Variants in TRIM33 observed in about 807,000 individuals in gnomAD.
The protein encoded by TRIM33 is tripartite motif containing 33.
Under a neutral mutation model 125.4 loss-of-function variants are expected in TRIM33, and 20 were observed. The observed-to-expected ratio is 0.16, with a 90% CI of 0.11 to 0.23. The LOEUF is 0.23. Ranked by LOEUF, TRIM33 falls within the 10% of genes least tolerant of loss-of-function variation. TRIM33 has a pLI of 1.00. For missense variants in TRIM33, 920 were observed against 1,411.4 expected (o/e 0.65, Z 5.58); for synonymous variants, 564 against 513.9 (o/e 1.10, Z -1.32).
Position 114,393,765 on chromosome 1 carries a change from C to T in TRIM33, c.*3883G>A. 4.8e-6 allele frequency: 1 copy of T among 207,542 alleles called. No homozygotes were observed. The highest frequency in any genetic ancestry group is 9.8e-6 in the Non-Finnish European group (1 of 101,660). The allele number at this position is 207,542 out of a possible 1,614,324, so 12.9% of individuals were successfully genotyped here. On this transcript the variant is annotated 3_prime_UTR_variant, in exon 20 of 20. Coordinates refer to ENST00000358465, the MANE Select transcript of TRIM33 (RefSeq NM_015906.4). ...TAAAAAAGTACCTTCAATTTTTTTA[C>T]TCAAACACTTACTTTTAAAAAAATA...
At chr1:114,410,622 T>C (rs189737550) in intron 11 of TRIM33, among the ~76,000 whole-genome samples, 1 of 152,338 alleles carries the variant, frequency 6.6e-6, no homozygotes, top group East Asian at 1.9e-4. Context: ...CAGGACCTAT[T>C]TATCAGTATT....
At chr1:114,428,649 T>C (rs772275068) in intron 6 of TRIM33, among the ~76,000 whole-genome samples, 26 of 152,246 alleles carry the variant, frequency 1.7e-4, no homozygotes, top group Non-Finnish European at 3.5e-4. Flanking sequence ...GGAAAGAAGC[T>C]GTTCATTTTA....
intron 1 of TRIM33, among the ~76,000 whole-genome samples, chr1:114,491,716 A>G (rs1200356091): frequency 6.6e-6 from 1 of 152,168 alleles, no homozygotes; most frequent in Non-Finnish European, 1.5e-5. Flanking sequence ...AGGTGAAAGG[A>G]TCACTTGAGA....
intron 1 of TRIM33, among the ~76,000 whole-genome samples, chr1:114,503,847 GTT>G (rs1053866341): frequency 1.3e-5 from 2 of 152,052 alleles, no homozygotes; most frequent in Non-Finnish European, 2.9e-5. Context: ...AAAAACCATA[GTT>G]TTTAAGTAAA....
intron 11 of TRIM33, among the ~76,000 whole-genome samples, chr1:114,417,023 C>T (rs1055857760): frequency 6.6e-6 from 1 of 152,032 alleles, no homozygotes; most frequent in Non-Finnish European, 1.5e-5. Context: ...TATATGTATA[C>T]AATGAAATAT....
intron 1 of TRIM33, among the ~76,000 whole-genome samples, chr1:114,483,317 A>T (rs185606925): frequency 1.1e-4 from 16 of 151,932 alleles, no homozygotes; most frequent in Non-Finnish European, 1.3e-4. Context: ...GAAAAAAAAA[A>T]TTTTTACCAA....
chr1:114,418,671 A>G (rs1653084243), intron 11 of TRIM33, among the ~76,000 whole-genome samples: 1 of 152,158 alleles, frequency 6.6e-6, no homozygotes, highest in Admixed American at 6.5e-5. Flanking sequence ...TTACTCCTGC[A>G]GATAACATCA....
At chr1:114,466,244 G>C (rs1650290758) in intron 1 of TRIM33, among the ~76,000 whole-genome samples, 1 of 152,144 alleles carries the variant, frequency 6.6e-6, no homozygotes, top group African/African-American at 2.4e-5. Context: ...TAACTGTAGA[G>C]ACAAAGATAT....
chr1:114,505,454 TAAAC>T (rs1466243074), intron 1 of TRIM33, among the ~76,000 whole-genome samples: 1 of 152,204 alleles, frequency 6.6e-6, no homozygotes, highest in African/African-American at 2.4e-5. Flanking sequence ...TGGTCTGTGA[TAAAC>T]AGACAGAAAC....
At chr1:114,489,815 C>T (rs1651940256) in intron 1 of TRIM33, among the ~76,000 whole-genome samples, 1 of 151,940 alleles carries the variant, frequency 6.6e-6, no homozygotes, top group African/African-American at 2.4e-5. Context: ...CCAATGAACA[C>T]ACTTAACAGT....
At chr1:114,443,123 C>A (rs1368953970) in intron 4 of TRIM33, among the ~76,000 whole-genome samples, 1 of 151,364 alleles carries the variant, frequency 6.6e-6, no homozygotes, top group Non-Finnish European at 1.5e-5. Context: ...GTGGCTCACA[C>A]CTGTAATCCC....
chr1:114,497,366 G>A (rs535770741), intron 1 of TRIM33, among the ~76,000 whole-genome samples: 2 of 152,056 alleles, frequency 1.3e-5, no homozygotes, highest in East Asian at 1.9e-4. Context: ...GCGCAATCTC[G>A]GCTCACTGTA....
chr1:114,470,769 G>C (rs2101428464), intron 1 of TRIM33, among the ~76,000 whole-genome samples: 1 of 152,290 alleles, frequency 6.6e-6, no homozygotes, highest in South Asian at 2.1e-4. Context: ...TCTTGCGCCA[G>C]TTAGCCTAGT....
At chr1:114,468,857 C>T in intron 1 of TRIM33, 1 of 263,770 alleles carries the variant, frequency 3.8e-6, no homozygotes, top group Non-Finnish European at 7.6e-6. Context: ...AGCGAGTGTG[C>T]AACATCACGA....
chr1:114,480,080 T>C (rs1428908130), intron 1 of TRIM33, among the ~76,000 whole-genome samples: 3 of 152,220 alleles, frequency 2.0e-5, no homozygotes, highest in Non-Finnish European at 4.4e-5. Flanking sequence ...AGATCGTTGC[T>C]GTGTCTGTGT....
chr1:114,453,631 T>C (rs1649464738), intron 4 of TRIM33, among the ~76,000 whole-genome samples: 1 of 152,200 alleles, frequency 6.6e-6, no homozygotes, highest in Admixed American at 6.5e-5. Context: ...TTTGTTTGCC[T>C]GGGGACTTGA....
In TRIM33 at chr1:114,410,195, G is replaced by A. The variant is rs775054913; in HGVS notation, c.2183C>T (p.Pro728Leu). ...NPSPGPSALS[P>L]GSSGLSNSHT... Reference sequence around the variant, plus strand: ...CCCGTTTGCTTTACCTGATGATCCCGGAGAAAGGGCAGAGGGACCTGGAGA... The same window carrying A: ...CCCGTTTGCTTTACCTGATGATCCCAGAGAAAGGGCAGAGGGACCTGGAGA... Residue 728 changes from proline (P) to leucine (L), a missense_variant, in exon 12 of 20, where the codon CCG (proline) becomes CTG (leucine). By Grantham distance (98) the Pro-to-Leu change is moderately conservative. Around this residue, in one of 8 missense-constraint regions of TRIM33, gnomAD observed 407 missense variants for 589.7 expected, o/e 0.69. Transcript: ENST00000358465. 16 of 1,613,858 alleles carry A rather than the reference G, an allele frequency of 9.9e-6. No individual in the cohort carries two copies. Among genetic ancestry groups the A allele is most frequent in the East Asian group, 6.7e-5 (3 of 44,868 alleles).
At chr1:114,461,754 C>T (rs952617697) in intron 4 of TRIM33, among the ~76,000 whole-genome samples, 1 of 152,028 alleles carries the variant, frequency 6.6e-6, no homozygotes, top group African/African-American at 2.4e-5. Context: ...TATAAGAAAT[C>T]TAACACTCAA....
intron 4 of TRIM33, among the ~76,000 whole-genome samples, chr1:114,441,714 C>T (rs756987924): frequency 1.3e-4 from 20 of 152,228 alleles, no homozygotes; most frequent in Non-Finnish European, 2.4e-4. Context: ...TACTTCTCAA[C>T]CCATCTGCCC....
Sources: allele counts gnomAD v4.1 joint callset (sites outside exome capture counted in the v4.1 genomes callset), GRCh38; gene constraint gnomAD v4.1.1; regional missense constraint gnomAD v4.1.1; transcripts MANE v1.5; gene names NCBI Gene and HGNC (gene_info 2026-07-23, HGNC 2026-07-21).